Variants in NBPF11 observed in about 807,000 individuals in gnomAD.
NBPF11 encodes NBPF family member NBPF11.
NBPF11 carries 72 observed loss-of-function variants against 93.9 expected under a neutral mutation model. The ratio of observed to expected loss-of-function variants is 0.77; its 90% CI spans 0.63 to 0.93. The LOEUF is 0.93. NBPF11 is among the 40% of genes least tolerant of loss of function. NBPF11 has a pLI of 0.00. For synonymous variants in NBPF11, 224 were observed against 304.9 expected (o/e 0.73, Z 2.76); for missense variants, 705 against 802.2 (o/e 0.88, Z 1.46).
chr1:148,120,279 TTAACTC>T (rs1427076081), intron 10 of NBPF11, among the ~76,000 whole-genome samples: 1 of 152,082 alleles, frequency 6.6e-6, no homozygotes, highest in Non-Finnish European at 1.5e-5. Context: ...AAATGGCAGT[TTAACTC>T]TAGTCCCACC....
chr1:148,115,671 A>T lies in NBPF11; in HGVS notation c.1585+122T>A, dbSNP rs1358202047. Reference sequence around the variant, plus strand: ...GAGAAGGACAAAAAAACTCCCTGATATCTGTTTAGAAACCCATCACAGTTT... The same window carrying T: ...GAGAAGGACAAAAAAACTCCCTGATTTCTGTTTAGAAACCCATCACAGTTT... On this transcript the variant is annotated intron_variant, in intron 14 of 23. Coordinates refer to ENST00000682118, the MANE Select transcript of NBPF11 (RefSeq NM_001385469.3). 332 of 1,225,464 alleles carry T rather than the reference A, an allele frequency of 2.7e-4. 2 individuals carry two copies. The Middle Eastern group carries it at 3.0e-3, about 11-fold the overall frequency. 75.9% of individuals were successfully genotyped at this position (1,225,464 alleles called of 1,614,324 possible). A position where few individuals can be genotyped will look rare whatever the true frequency, so the allele number is the denominator to read the frequency against.
At chr1:148,146,384 C>A (rs1255147392) in intron 1 of NBPF11, 7 of 1,575,970 alleles carry the variant, frequency 4.4e-6, no homozygotes, top group Admixed American at 3.5e-5. Context: ...CCGGCCCGGG[C>A]GGCGCCCGCC....
At chr1:148,104,036 G>A in intron 23 of NBPF11, 124 bp from the exon 24 acceptor site, 2 of 1,592,946 alleles carry the variant, frequency 1.3e-6, no homozygotes, top group Middle Eastern at 2.3e-4. Flanking sequence ...CATTAATGAG[G>A]TAACAAATTA....
Position 148,143,543 on chromosome 1 carries a change from G to A in NBPF11, c.-405C>T. ...GAAGCCCTGGACAGTGGGAGTTGGT[G>A]GCACCCCCAGTGTGGAGGCCAAGAG... On this transcript the variant is annotated 5_prime_UTR_variant, in exon 2 of 24. Coordinates refer to ENST00000682118, the MANE Select transcript of NBPF11 (RefSeq NM_001385469.3). The A allele has an allele frequency of 3.7e-6, 1 of 272,018 alleles. No individual in the cohort carries two copies. The highest frequency in any genetic ancestry group is 6.9e-6 in the Non-Finnish European group (1 of 143,942). 16.9% of individuals were successfully genotyped at this position (272,018 alleles called of 1,614,324 possible).
chr1:148,146,769 C>T, intron 1 of NBPF11: 31 of 1,613,154 alleles, frequency 1.9e-5, no homozygotes, highest in Non-Finnish European at 2.5e-5. Context: ...TGGACCTGGG[C>T]CAGATGAGCA....
Position 148,122,081 on chromosome 1 carries a change from C to A in NBPF11, c.752G>T (p.Cys251Phe), listed in dbSNP as rs1287467784. 3.7e-6 allele frequency: 6 copies of A among 1,611,786 alleles called. No individual in the cohort carries two copies. Among genetic ancestry groups the A allele is most frequent in the Non-Finnish European group, 5.1e-6 (6 of 1,178,114 alleles). ...VVDRESSHDG[C>F]QDALNILPVP... Reference sequence around the variant, plus strand: ...TGGGAGAATGTTTAGAGCATCCTGACATCCATCATGAGAGGATTCTCTGTC... The same window carrying A: ...TGGGAGAATGTTTAGAGCATCCTGAAATCCATCATGAGAGGATTCTCTGTC... Residue 251 changes from cysteine (C) to phenylalanine (F), a missense_variant, in exon 9 of 24, where the codon TGT (cysteine) becomes TTT (phenylalanine). By Grantham distance (205) the Cys-to-Phe change is radical. This residue lies in a region of NBPF11 where 262 missense variants were observed against 223.1 expected (regional missense o/e 1.17). Coordinates refer to ENST00000682118, the MANE Select transcript of NBPF11 (RefSeq NM_001385469.3).
chr1:148,130,883 T>C (rs1392670667), intron 4 of NBPF11, among the ~76,000 whole-genome samples: 1 of 151,926 alleles, frequency 6.6e-6, no homozygotes, highest in Non-Finnish European at 1.5e-5. Context: ...AATGAAATGA[T>C]ACCTGTGTTC....
intron 19 of NBPF11, among the ~76,000 whole-genome samples, chr1:148,107,411 C>T (rs1663971716): frequency 1.3e-5 from 2 of 151,248 alleles, no homozygotes; most frequent in South Asian, 4.2e-4. Flanking sequence ...CCTCGGGACA[C>T]ACAGCGAACA....
chr1:148,127,040 T>C lies in NBPF11; in HGVS notation c.-35-2A>G. On this transcript the variant is annotated splice_acceptor_variant, in intron 4 of 23. Coordinates refer to ENST00000682118, the MANE Select transcript of NBPF11 (RefSeq NM_001385469.3). LOFTEE classifies it low-confidence loss of function (5UTR_SPLICE). ...TGGCAGAAGAGGTGGAGTCAGGGAC[T>C]GGGGAGAAGAAACCCAAACATATGA... 1.7e-6 allele frequency: 1 copy of C among 592,714 alleles called. No individual in the cohort carries two copies. The highest frequency in any genetic ancestry group is 2.9e-6 in the Non-Finnish European group (1 of 343,364). 36.7% of individuals were successfully genotyped at this position (592,714 alleles called of 1,614,324 possible).
intron 4 of NBPF11, among the ~76,000 whole-genome samples, chr1:148,129,081 G>T (rs1218219870): frequency 8.2e-6 from 1 of 122,108 alleles, no homozygotes; most frequent in African/African-American, 3.1e-5. Context: ...AAACCAACAT[G>T]GCACACGTGT....
At chr1:148,127,077 C>T (rs1436670305) in intron 4 of NBPF11, 39 bp from the exon 5 acceptor site, 3 of 514,620 alleles carry the variant, frequency 5.8e-6, no homozygotes, top group Non-Finnish European at 9.9e-6. Flanking sequence ...GGGTTAAAAA[C>T]TGGTGAAATC....
intron 8 of NBPF11, 46 bp from the exon 9 acceptor site, chr1:148,122,312 G>C (rs1430552334): frequency 6.8e-6 from 11 of 1,610,246 alleles, no homozygotes; most frequent in African/African-American, 1.3e-5. Context: ...TAAACACAGA[G>C]GGATTGGACC....
Position 148,118,667 on chromosome 1 carries a change from G to C in NBPF11, c.1044C>G (p.Phe348Leu), listed in dbSNP as rs1484092791. 9 of 1,613,152 alleles carry C rather than the reference G, an allele frequency of 5.6e-6. No homozygotes were observed. In the South Asian group the frequency reaches 7.7e-5, roughly 14 times the overall value. ...GCTGCTCTGCAAGCTTCTCCTCCTTGAACTGTCGCTCATTCCTCAGCATAG... is the reference window on the plus strand; with the variant it reads ...GCTGCTCTGCAAGCTTCTCCTCCTTCAACTGTCGCTCATTCCTCAGCATAG... The part of the protein sequence containing the change: ...IKSMLRNERQ[F>L]KEEKLAEQLK... Residue 348 changes from phenylalanine (F) to leucine (L), a missense_variant, in exon 11 of 24, where the codon TTC becomes TTG. Phe to Leu is a conservative substitution (Grantham distance 22). Around this residue, in one of 12 missense-constraint regions of NBPF11, gnomAD observed 262 missense variants for 223.1 expected, o/e 1.17. Coordinates refer to ENST00000682118, the MANE Select transcript of NBPF11 (RefSeq NM_001385469.3).
chr1:148,144,934 T>C (rs1440292841), intron 1 of NBPF11, among the ~76,000 whole-genome samples: 1 of 149,660 alleles, frequency 6.7e-6, no homozygotes, highest in Non-Finnish European at 1.5e-5. Flanking sequence ...TGAATCCCCA[T>C]CTCTACAGAA....
intron 1 of NBPF11, chr1:148,146,366 G>GTGGAGGCCCGGCCC (rs1553276855): frequency 1.3e-6 from 2 of 1,526,708 alleles, no homozygotes; most frequent in Admixed American, 4.2e-5. Flanking sequence ...GGGGGCCCCG[G>GTGGAGGCCCGGCCC]TGGAGGCCCG....
At chr1:148,112,152 GTA>G (rs1174997764) in intron 15 of NBPF11, among the ~76,000 whole-genome samples, 2 of 119,604 alleles carry the variant, frequency 1.7e-5, no homozygotes, top group East Asian at 2.9e-4. Flanking sequence ...TTGTGTGTAT[GTA>G]TATATATATA....
rs1647649964 is a variant in NBPF11, at chr1:148,149,371, C to T, written c.-549+2379G>A. ...AGAAGGTGTCCAAGATCACGTCTCC[C>T]GTGCTCATCATCCACGGCAGGGAGG... On this transcript the variant is annotated intron_variant, in intron 1 of 23. Transcript: ENST00000682118. 7 of 1,595,610 alleles carry T rather than the reference C, an allele frequency of 4.4e-6. No individual in the cohort carries two copies. In the East Asian group the frequency reaches 6.7e-5, roughly 15 times the overall value.
At chr1:148,105,639 G>T in intron 21 of NBPF11, 111 bp from the exon 22 acceptor site, 2 of 675,778 alleles carry the variant, frequency 3.0e-6, no homozygotes, top group East Asian at 2.8e-5. Context: ...TAAAAGGATA[G>T]ATCTATTAAT....
chr1:148,147,184 A>G (rs2149309396), intron 1 of NBPF11, among the ~76,000 whole-genome samples: 1 of 152,204 alleles, frequency 6.6e-6, no homozygotes, highest in South Asian at 2.1e-4. Flanking sequence ...TGAGGATGGG[A>G]AGGGGCTGAG....
Sources: gnomAD v4.1 joint callset for allele counts (sites outside exome capture counted in the v4.1 genomes callset) on GRCh38, gnomAD v4.1.1 for gene constraint, gnomAD v4.1.1 regional missense constraint, MANE v1.5 for transcripts, NCBI Gene and HGNC (gene_info 2026-07-23, HGNC 2026-07-21) for gene names.